PHAF1: variants seen among roughly 807,000 people sequenced by gnomAD.
PHAF1 encodes the protein phagophore assembly factor 1.
In PHAF1, 23 loss-of-function variants were observed where a neutral mutation model predicts 63.1. The observed-to-expected ratio is 0.36, with a 90% CI of 0.26 to 0.52. The LOEUF is 0.52. PHAF1 is among the 20% of genes least tolerant of loss of function. PHAF1 has a pLI of 0.93. For missense variants in PHAF1, 427 were observed against 517.2 expected (o/e 0.83, Z 1.69); for synonymous variants, 167 against 185.0 (o/e 0.90, Z 0.79).
At chr16:67,141,875 G>A (rs1310946434) in intron 10 of PHAF1, among the ~76,000 whole-genome samples, 1 of 152,212 alleles carries the variant, frequency 6.6e-6, no homozygotes, top group Admixed American at 6.5e-5. Flanking sequence ...CTGAAGGGCT[G>A]CAGCTCTTCT....
At chr16:67,123,624 T>G (rs909987334) in intron 2 of PHAF1, among the ~76,000 whole-genome samples, 6 of 151,962 alleles carry the variant, frequency 3.9e-5, no homozygotes, top group African/African-American at 1.5e-4. Flanking sequence ...CCCAGACTGG[T>G]CTCAAACTCC....
chr16:67,111,477 T>A (rs1269005333), intron 1 of PHAF1, among the ~76,000 whole-genome samples: 1 of 152,238 alleles, frequency 6.6e-6, no homozygotes, highest in African/African-American at 2.4e-5. Flanking sequence ...AGCTGCTCCA[T>A]TGGATTATAA....
intron 1 of PHAF1, among the ~76,000 whole-genome samples, chr16:67,110,591 C>G (rs1962473607): frequency 6.6e-6 from 1 of 152,170 alleles, no homozygotes; most frequent in African/African-American, 2.4e-5. Flanking sequence ...GTTGTTATTC[C>G]CATTTCCATT....
chr16:67,126,049 A>G lies in PHAF1; in HGVS notation c.231+7A>G. 3.1e-6 allele frequency: 5 copies of G among 1,596,652 alleles called. No individual in the cohort carries two copies. The highest frequency in any genetic ancestry group is 1.7e-4 in the Middle Eastern group (1 of 6,040). On this transcript the variant is annotated splice_region_variant and intron_variant, in intron 3 of 15. Coordinates refer to ENST00000219139, the MANE Select transcript of PHAF1 (RefSeq NM_025187.5). Reference sequence around the variant, plus strand: ...TTTCAATCAGAGACTTAAGGTAACTATAAATGACAACTAATGTTTCATGTC... The same window carrying G: ...TTTCAATCAGAGACTTAAGGTAACTGTAAATGACAACTAATGTTTCATGTC...
At chr16:67,117,563 T>G (rs1597184654) in intron 1 of PHAF1, among the ~76,000 whole-genome samples, 1 of 150,996 alleles carries the variant, frequency 6.6e-6, no homozygotes, top group African/African-American at 2.4e-5. Flanking sequence ...GATCACGAGG[T>G]CAGGAGATCG....
intron 8 of PHAF1, chr16:67,134,890 C>CAA (rs1271531105): frequency 8.5e-6 from 3 of 353,500 alleles, no homozygotes; most frequent in African/African-American, 6.4e-5. Context: ...TTTAGGGGAA[C>CAA]AAAAGCATTC....
intron 4 of PHAF1, 42 bp from the exon 5 acceptor site, chr16:67,132,404 A>T (rs1161229509): frequency 1.3e-6 from 2 of 1,507,400 alleles, no homozygotes; most frequent in African/African-American, 2.8e-5. Flanking sequence ...CTGTGGGCCC[A>T]TCTTGTGAAG....
chr16:67,145,256 A>T, intron 12 of PHAF1, 120 bp from the exon 13 acceptor site: 1 of 1,141,512 alleles, frequency 8.8e-7, no homozygotes, highest in Non-Finnish European at 1.3e-6. Context: ...CAGCCTGTTA[A>T]TCCTCCCCAT....
intron 5 of PHAF1, 70 bp downstream of exon 5, chr16:67,132,595 C>T (rs775650504): frequency 2.7e-6 from 4 of 1,469,128 alleles, no homozygotes. Flanking sequence ...CCCGGTAGTG[C>T]CATCCCACCC....
chr16:67,112,791 G>A (rs1380348188), intron 1 of PHAF1, among the ~76,000 whole-genome samples: 1 of 152,148 alleles, frequency 6.6e-6, no homozygotes, highest in Non-Finnish European at 1.5e-5. Flanking sequence ...TCATAGACTG[G>A]CCCAGAGGCT....
chr16:67,119,105 A>T (rs1198981303), intron 1 of PHAF1, among the ~76,000 whole-genome samples: 1 of 152,140 alleles, frequency 6.6e-6, no homozygotes, highest in African/African-American at 2.4e-5. Context: ...ATTGTTCCTT[A>T]TAAGTCATGT....
chr16:67,118,260 A>G (rs1173445530), intron 1 of PHAF1, among the ~76,000 whole-genome samples: 2 of 143,490 alleles, frequency 1.4e-5, no homozygotes, highest in Non-Finnish European at 3.0e-5. Context: ...GACGTGAGCC[A>G]CTGCACCTGG....
intron 1 of PHAF1, among the ~76,000 whole-genome samples, chr16:67,114,766 A>G (rs1298408508): frequency 6.6e-6 from 1 of 152,142 alleles, no homozygotes; most frequent in East Asian, 1.9e-4. Context: ...GGAAAAAAGG[A>G]TATGTATTAG....
chr16:67,145,681 G>C, intron 14 of PHAF1, 53 bp downstream of exon 14: 1 of 1,565,482 alleles, frequency 6.4e-7, no homozygotes, highest in Non-Finnish European at 8.7e-7. Flanking sequence ...TCAGAGCCCA[G>C]AAAGCCCAGG....
At position 67,146,304 on chromosome 16, in the gene PHAF1, C is replaced by G. The variant is rs1392159910; in HGVS notation, c.1136C>G (p.Pro379Arg). The G allele has an allele frequency of 1.9e-6, 3 of 1,614,094 alleles. No homozygotes were observed. Among genetic ancestry groups the G allele is most frequent in the Non-Finnish European group, 2.5e-6 (3 of 1,180,034 alleles). The change falls in exon 15 of 16, where the codon CCA (proline) becomes CGA (arginine). Residue 379 changes from proline (P) to arginine (R), a missense_variant. Transcript: ENST00000219139. ...HRSSSPNNTN[P>R]FGSTFCFGLQ... ...TCTTCCTCCCCAAACAACACCAACC[C>G]ATTTGGTTCCACATTCTGCTTTGGT...
chr16:67,147,308 A>G lies in PHAF1; in HGVS notation c.*177A>G. 1 of 589,264 alleles carries G rather than the reference A, an allele frequency of 1.7e-6. No individual in the cohort carries two copies. Among genetic ancestry groups the G allele is most frequent in the South Asian group, 2.3e-5 (1 of 43,326 alleles). 36.5% of individuals were successfully genotyped at this position (589,264 alleles called of 1,614,324 possible). On this transcript the variant is annotated 3_prime_UTR_variant, in exon 16 of 16. Transcript: ENST00000219139. Reference sequence around the variant, plus strand: ...CTGCCATGGGCTGAGTGGCCCAGATATTCTTCTGTCCATCTTTGGCCTGCT... The same window carrying G: ...CTGCCATGGGCTGAGTGGCCCAGATGTTCTTCTGTCCATCTTTGGCCTGCT...
Position 67,120,043 on chromosome 16 carries a change from C to T in PHAF1, c.65-69C>T. 2.2e-6 allele frequency: 3 copies of T among 1,341,090 alleles called. No individual in the cohort carries two copies. The South Asian group carries it at 3.7e-5, about 16-fold the overall frequency. 83.1% of individuals were successfully genotyped at this position (1,341,090 alleles called of 1,614,324 possible). On this transcript the variant is annotated intron_variant, in intron 1 of 15. Coordinates refer to ENST00000219139, the MANE Select transcript of PHAF1 (RefSeq NM_025187.5). ...CAGGCTTTACTGCAGGGACCAGTGC[C>T]TAGTGAAGTGGTAGATGTCAATAGA...
chr16:67,110,321 C>T (rs1962459919), intron 1 of PHAF1, 82 bp downstream of exon 1: 2 of 1,446,986 alleles, frequency 1.4e-6, no homozygotes, highest in African/African-American at 1.4e-5. Flanking sequence ...CTCAGTCTCT[C>T]ACGCCCCTGC....
At chr16:67,137,163 A>T (rs1963640667) in intron 8 of PHAF1, among the ~76,000 whole-genome samples, 1 of 152,308 alleles carries the variant, frequency 6.6e-6, no homozygotes, top group South Asian at 2.1e-4. Flanking sequence ...TCAAAAAAAA[A>T]AAAAAAGAAT....
Sources: allele counts gnomAD v4.1 joint callset (sites outside exome capture counted in the v4.1 genomes callset), GRCh38; gene constraint gnomAD v4.1.1; transcripts MANE v1.5; gene names NCBI Gene and HGNC (gene_info 2026-07-23, HGNC 2026-07-21).